SGCZ: variants seen among roughly 807,000 people sequenced by gnomAD.
SGCZ encodes zeta-sarcoglycan.
A neutral mutation model predicts 41.3 loss-of-function variants in SGCZ; 40 were observed. The ratio of observed to expected loss-of-function variants is 0.97; its 90% CI spans 0.75 to 1.26. The LOEUF (loss-of-function observed/expected upper bound fraction) is 1.26. Among genes scored for constraint, SGCZ ranks in the 50% most tolerant of loss-of-function variants. The pLI, the probability that SGCZ is intolerant of heterozygous loss-of-function variation, is 0.00. For synonymous variants in SGCZ, 206 were observed against 137.5 expected (o/e 1.50, Z -3.49); for missense variants, 552 against 369.8 (o/e 1.49, Z -4.04).
chr8:14,443,591 G>T (rs943937230), intron 2 of SGCZ, among the ~76,000 whole-genome samples: 6 of 152,144 alleles, frequency 3.9e-5, no homozygotes, highest in Non-Finnish European at 7.3e-5. Context: ...ATGGTGCTGG[G>T]AAAACTGGCT....
intron 2 of SGCZ, among the ~76,000 whole-genome samples, chr8:14,403,388 C>G (rs1799130294): frequency 6.6e-6 from 1 of 151,274 alleles, no homozygotes; most frequent in Non-Finnish European, 1.5e-5. Context: ...GGGAATGCTT[C>G]CAGTTTTTGC....
intron 1 of SGCZ, among the ~76,000 whole-genome samples, chr8:14,985,778 A>C (rs1443890986): frequency 6.6e-6 from 1 of 152,206 alleles, no homozygotes; most frequent in Non-Finnish European, 1.5e-5. Flanking sequence ...GTGAAACACC[A>C]ATGAACATCT....
intron 1 of SGCZ, among the ~76,000 whole-genome samples, chr8:14,691,262 G>A (rs563210106): frequency 1.3e-5 from 2 of 152,218 alleles, no homozygotes; most frequent in East Asian, 1.9e-4. Context: ...TACAGACTAC[G>A]TACTCCTGTT....
intron 1 of SGCZ, among the ~76,000 whole-genome samples, chr8:14,952,518 C>A (rs544711385): frequency 6.6e-6 from 1 of 152,024 alleles, no homozygotes; most frequent in Non-Finnish European, 1.5e-5. Flanking sequence ...AACCTTTGTT[C>A]GATAATGTTG....
At chr8:14,768,691 G>A (rs2255785) in intron 1 of SGCZ, among the ~76,000 whole-genome samples, 1 of 151,816 alleles carries the variant, frequency 6.6e-6, no homozygotes, top group Non-Finnish European at 1.5e-5. Context: ...CAAGAGATGC[G>A]GGAGTATGAT....
chr8:14,129,136 CA>C (rs1212798901), intron 5 of SGCZ, among the ~76,000 whole-genome samples: 2 of 151,884 alleles, frequency 1.3e-5, no homozygotes, highest in Non-Finnish European at 2.9e-5. Flanking sequence ...CACCTGAGGT[CA>C]GGAGTTCAAG....
intron 2 of SGCZ, among the ~76,000 whole-genome samples, chr8:14,364,929 T>C (rs551722087): frequency 4.6e-5 from 7 of 152,232 alleles, no homozygotes; most frequent in Admixed American, 3.3e-4. Flanking sequence ...CCACCCCAAA[T>C]GTCACAAAAT....
At chr8:15,219,023 C>T (rs1049574345) in intron 1 of SGCZ, among the ~76,000 whole-genome samples, 1 of 152,196 alleles carries the variant, frequency 6.6e-6, no homozygotes, top group African/African-American at 2.4e-5. Context: ...TCTCCTCCAA[C>T]AAACACGCTG....
chr8:15,209,771 ATT>A (rs35885241), intron 1 of SGCZ, among the ~76,000 whole-genome samples: 117,831 of 151,248 alleles, frequency 0.78, 46,381 homozygotes, highest in Non-Finnish European at 0.83. Flanking sequence ...CCTTAAAAAA[ATT>A]AATTAATTAA....
intron 1 of SGCZ, among the ~76,000 whole-genome samples, chr8:15,009,171 A>G (rs560811470): frequency 6.6e-6 from 1 of 152,360 alleles, no homozygotes; most frequent in East Asian, 1.9e-4. Context: ...TCATGCTTAC[A>G]CAGACTGTAC....
At chr8:14,791,029 T>C (rs544283351) in intron 1 of SGCZ, among the ~76,000 whole-genome samples, 1 of 130,222 alleles carries the variant, frequency 7.7e-6, no homozygotes, top group South Asian at 2.4e-4. Context: ...AGACTCTGTC[T>C]CAAAAAAAAA....
chr8:14,723,185 C>T (rs2130192754), intron 1 of SGCZ, among the ~76,000 whole-genome samples: 1 of 152,296 alleles, frequency 6.6e-6, no homozygotes, highest in South Asian at 2.1e-4. Context: ...GGGATTTTGA[C>T]TAAGTCAGCA....
chr8:14,266,110 C>G (rs576335159), intron 3 of SGCZ, among the ~76,000 whole-genome samples: 2 of 151,854 alleles, frequency 1.3e-5, no homozygotes, highest in African/African-American at 4.8e-5. Flanking sequence ...TATGATTATC[C>G]GAGGACATAA....
chr8:14,438,302 A>G (rs1436055155), intron 2 of SGCZ, among the ~76,000 whole-genome samples: 1 of 152,030 alleles, frequency 6.6e-6, no homozygotes, highest in East Asian at 1.9e-4. Context: ...AAAAAGGTCA[A>G]TAGAGTGTAT....
At chr8:15,183,560 C>T (rs1800240363) in intron 1 of SGCZ, among the ~76,000 whole-genome samples, 1 of 152,076 alleles carries the variant, frequency 6.6e-6, no homozygotes, top group African/African-American at 2.4e-5. Flanking sequence ...TTGTGTGTTA[C>T]TGATTAGAGG....
At chr8:14,551,535 T>A (rs1585072003) in intron 2 of SGCZ, among the ~76,000 whole-genome samples, 2 of 4,664 alleles carry the variant, frequency 4.3e-4, no homozygotes, top group Non-Finnish European at 8.8e-4. Flanking sequence ...ATATATATAA[T>A]ATATATAATA....
intron 1 of SGCZ, among the ~76,000 whole-genome samples, chr8:15,179,240 G>C (rs1478000884): frequency 2.0e-5 from 3 of 152,124 alleles, no homozygotes; most frequent in Admixed American, 1.3e-4. Flanking sequence ...AATCTCAGTA[G>C]ATTTTTCTTC....
intron 3 of SGCZ, among the ~76,000 whole-genome samples, chr8:14,263,514 A>T (rs1799752811): frequency 6.6e-6 from 1 of 152,184 alleles, no homozygotes; most frequent in African/African-American, 2.4e-5. Flanking sequence ...ATGCCACTGC[A>T]CTCCAGTCTG....
intron 1 of SGCZ, among the ~76,000 whole-genome samples, chr8:14,742,977 G>A (rs768562806): frequency 3.9e-4 from 60 of 152,078 alleles, no homozygotes; most frequent in Non-Finnish European, 5.6e-4. Flanking sequence ...TACAATGTTT[G>A]TACCATGAGC....
Sources: gnomAD v4.1 joint callset for allele counts (sites outside exome capture counted in the v4.1 genomes callset) on GRCh38, gnomAD v4.1.1 for gene constraint, MANE v1.5 for transcripts, NCBI Gene and HGNC (gene_info 2026-07-23, HGNC 2026-07-21) for gene names.